Variants in SORD observed in about 807,000 individuals in gnomAD.
SORD encodes the protein (R,R)-butanediol dehydrogenase.
In SORD, 18 loss-of-function variants were observed where a neutral mutation model predicts 35.6. The ratio of observed to expected loss-of-function variants is 0.51; its 90% CI spans 0.35 to 0.75. The LOEUF is 0.75. Ranked by LOEUF, SORD falls within the 30% of genes least tolerant of loss-of-function variation. SORD has a pLI of 0.01. For synonymous variants in SORD, 106 were observed against 152.9 expected (o/e 0.69, Z 2.26); for missense variants, 250 against 390.2 (o/e 0.64, Z 3.03).
At chr15:45,049,610 C>T (rs937136741) in intron 3 of SORD, among the ~76,000 whole-genome samples, 3 of 152,138 alleles carry the variant, frequency 2.0e-5, no homozygotes, top group Admixed American at 6.6e-5. Context: ...TGGTTAGCTC[C>T]CTTGGTCTTA....
At chr15:45,031,340 C>A (rs1244713785) in intron 1 of SORD, among the ~76,000 whole-genome samples, 3 of 150,304 alleles carry the variant, frequency 2.0e-5, no homozygotes, top group Non-Finnish European at 4.5e-5. Context: ...AAAAAAAAAA[C>A]AACAGGGAAT....
At position 45,073,483 on chromosome 15, in the gene SORD, G is replaced by A. The variant is rs766011470; in HGVS notation, c.1027G>A (p.Gly343Arg). Reference sequence around the variant, plus strand: ...CTTTGAAACATTTAAAAAGGGATTGGGGTTGAAAATCATGCTCAAGTGTGA... The same window carrying A: ...CTTTGAAACATTTAAAAAGGGATTGAGGTTGAAAATCATGCTCAAGTGTGA... ...EAFETFKKGL[G>R]LKIMLKCDPS... The change falls in exon 9 of 9, where the codon GGG becomes AGG. Residue 343 changes from glycine to arginine, a missense_variant. Gly to Arg is a moderately radical substitution (Grantham distance 125). Around this residue, in one of 8 missense-constraint regions of SORD, gnomAD observed 17 missense variants for 26.2 expected, o/e 0.65. Coordinates refer to ENST00000267814, the MANE Select transcript of SORD (RefSeq NM_003104.6). 1 of 1,552,924 alleles carries A rather than the reference G, an allele frequency of 6.4e-7. No homozygotes were observed. The highest frequency in any genetic ancestry group is 8.6e-7 in the Non-Finnish European group (1 of 1,160,718).
chr15:45,069,216 T>C lies in SORD; in HGVS notation c.786+164T>C, dbSNP rs898290525. Among the ~76,000 whole-genome samples the C allele has an allele frequency of 1.2e-3, 168 of 135,202 alleles. 4 individuals carry two copies. The highest frequency in any genetic ancestry group is 4.4e-3 in the African/African-American group (162 of 37,096). 88.7% of individuals were successfully genotyped at this position (135,202 alleles called of 152,430 possible). ...TTTCTTTTTTTTTTTTTTTTTTTTT[T>C]TTTTTTTTGAGACAGAGTCTCACTC... On this transcript the variant is annotated intron_variant, in intron 7 of 8. Transcript: ENST00000267814.
intron 1 of SORD, among the ~76,000 whole-genome samples, chr15:45,034,597 A>G (rs1346454336): frequency 6.6e-6 from 1 of 152,216 alleles, no homozygotes; most frequent in Non-Finnish European, 1.5e-5. Context: ...TATTTCCATG[A>G]GTTACTTCAG....
intron 4 of SORD, among the ~76,000 whole-genome samples, chr15:45,064,019 G>A (rs928416798): frequency 1.3e-5 from 2 of 148,956 alleles, no homozygotes; most frequent in African/African-American, 4.9e-5. Context: ...AGGACTCCGA[G>A]TTATTCTGTT....
At chr15:45,039,491 C>G (rs3874239) in intron 1 of SORD, among the ~76,000 whole-genome samples, 109,672 of 152,142 alleles carry the variant, frequency 0.72, 44,191 homozygotes, top group Middle Eastern at 0.9. Context: ...CACTCAGTGG[C>G]CTTCCTTGTC....
chr15:45,062,218 T>C (rs1396403812), intron 4 of SORD, among the ~76,000 whole-genome samples: 1 of 152,236 alleles, frequency 6.6e-6, no homozygotes, highest in Non-Finnish European at 1.5e-5. Flanking sequence ...AGGAAGCTCA[T>C]TGACTTGGGC....
chr15:45,035,339 G>C (rs1892846293), intron 1 of SORD, among the ~76,000 whole-genome samples: 1 of 152,200 alleles, frequency 6.6e-6, no homozygotes, highest in South Asian at 2.1e-4. Context: ...GTCTAGCTCA[G>C]AGCTTGTAAA....
At chr15:45,041,247 C>T (rs1031629959) in intron 2 of SORD, among the ~76,000 whole-genome samples, 6 of 152,126 alleles carry the variant, frequency 3.9e-5, no homozygotes, top group African/African-American at 1.4e-4. Context: ...TCTGTTGGCT[C>T]GGGCAGATCC....
intron 3 of SORD, among the ~76,000 whole-genome samples, chr15:45,059,413 G>C (rs1036459040): frequency 3.9e-5 from 6 of 151,964 alleles, no homozygotes; most frequent in African/African-American, 1.2e-4. Flanking sequence ...GAAACAACCA[G>C]GTTTTTTCCA....
Position 45,056,804 on chromosome 15 carries a change from G to C in SORD, c.266-4263G>C, listed in dbSNP as rs190478299. ...AAAGAAACTTCCATATTTAAGCAAA[G>C]AAAACTGCCTATGTATTGGTTTGTC... On this transcript the variant is annotated intron_variant, in intron 3 of 8. Transcript: ENST00000267814. Among the ~76,000 whole-genome samples, 4 of 152,354 alleles carry C rather than the reference G, an allele frequency of 2.6e-5. No homozygotes were observed. In the East Asian group the frequency reaches 5.8e-4, roughly 22 times the overall value.
At chr15:45,034,719 C>A (rs963284813) in intron 1 of SORD, among the ~76,000 whole-genome samples, 8 of 152,252 alleles carry the variant, frequency 5.3e-5, no homozygotes, top group Non-Finnish European at 8.8e-5. Context: ...TCTGCCTGGG[C>A]TCCCGCTTTG....
chr15:45,061,708 A>C (rs1893312156), intron 4 of SORD, among the ~76,000 whole-genome samples: 1 of 151,930 alleles, frequency 6.6e-6, no homozygotes, highest in African/African-American at 2.4e-5. Context: ...TCTACTAAAA[A>C]AATACAAAAA....
At chr15:45,039,408 A>G (rs1343152109) in intron 1 of SORD, among the ~76,000 whole-genome samples, 1 of 152,220 alleles carries the variant, frequency 6.6e-6, no homozygotes, top group Non-Finnish European at 1.5e-5. Context: ...GATTACAGGC[A>G]TGAGACACTG....
intron 7 of SORD, 90 bp downstream of exon 7, chr15:45,069,142 C>T (rs1233562266): frequency 2.5e-5 from 18 of 732,272 alleles, no homozygotes; most frequent in Admixed American, 4.9e-5. Context: ...CAGCTTGCTG[C>T]GTGAGCCCCA....
chr15:45,068,132 G>T lies in SORD; in HGVS notation c.545-49G>T, dbSNP rs779430499. ...ATCCATGGCCTGGACAAGTGGGAGA[G>T]CAGATGTTTAATATTTCACGAACAT... On this transcript the variant is annotated intron_variant, in intron 5 of 8. Coordinates refer to ENST00000267814, the MANE Select transcript of SORD (RefSeq NM_003104.6). 26 of 1,402,494 alleles carry T rather than the reference G, an allele frequency of 1.9e-5. No homozygotes were observed. In the South Asian group the frequency reaches 2.5e-4, roughly 14 times the overall value. The allele number at this position is 1,402,494 out of a possible 1,614,324, so 86.9% of individuals were successfully genotyped here.
intron 3 of SORD, among the ~76,000 whole-genome samples, chr15:45,052,056 G>T (rs1435288048): frequency 1.3e-5 from 2 of 152,132 alleles, no homozygotes; most frequent in Non-Finnish European, 2.9e-5. Flanking sequence ...ACATTTCCAT[G>T]TCTTCTTATA....
At position 45,038,930 on chromosome 15, in the gene SORD, AAAAGAC is replaced by A. The variant is rs567417084; in HGVS notation, c.67-1474_67-1469del. ...TCTCTTTGCACCACCCCTGAAGGAG[AAAAGAC>A]AAATTCCACCTTGGGGCTACAGTAG... On this transcript the variant is annotated intron_variant, in intron 1 of 8. Transcript: ENST00000267814. Among the ~76,000 whole-genome samples the A allele has an allele frequency of 1.9e-4, 29 of 152,250 alleles. No homozygotes were observed. The East Asian group carries it at 5.4e-3, about 28-fold the overall frequency.
chr15:45,028,542 G>A (rs74398797), intron 1 of SORD, among the ~76,000 whole-genome samples: 29,711 of 147,786 alleles, frequency 0.2, no homozygotes, highest in African/African-American at 0.44. Flanking sequence ...ACCATGGAGG[G>A]GATGTAGTCA....
Sources: allele counts gnomAD v4.1 joint callset (sites outside exome capture counted in the v4.1 genomes callset), GRCh38; gene constraint gnomAD v4.1.1; regional missense constraint gnomAD v4.1.1; transcripts MANE v1.5; gene names NCBI Gene and HGNC (gene_info 2026-07-23, HGNC 2026-07-21).